DYNLL1: variants seen among roughly 807,000 people sequenced by gnomAD.
The protein encoded by DYNLL1 is dynein light chain 1, cytoplasmic.
DYNLL1 carries 3 observed loss-of-function variants against 10.1 expected under a neutral mutation model. That is an observed-to-expected ratio of 0.30 (90% confidence interval 0.14 to 0.77). DYNLL1 has a LOEUF of 0.77. Among genes scored for constraint, DYNLL1 ranks in the 30% least tolerant of loss-of-function variants. DYNLL1 has a pLI of 0.66. For missense variants in DYNLL1, 47 were observed against 111.7 expected (o/e 0.42, Z 2.61); for synonymous variants, 46 against 41.2 (o/e 1.12, Z -0.45).
At chr12:120,475,995 T>C (rs1878743867) in intron 1 of DYNLL1, among the ~76,000 whole-genome samples, 2 of 152,220 alleles carry the variant, frequency 1.3e-5, no homozygotes, top group South Asian at 4.1e-4. Context: ...TCTAAATTCC[T>C]TACCCTCAAC....
intron 1 of DYNLL1, among the ~76,000 whole-genome samples, chr12:120,475,912 C>T (rs1878742669): frequency 6.6e-6 from 1 of 152,150 alleles, no homozygotes; most frequent in African/African-American, 2.4e-5. Context: ...GTTATTCTAG[C>T]TCCAGAAAAG....
chr12:120,481,850 C>A (rs1304477137), intron 1 of DYNLL1, among the ~76,000 whole-genome samples: 1 of 152,120 alleles, frequency 6.6e-6, no homozygotes, highest in Non-Finnish European at 1.5e-5. Flanking sequence ...ATTTTGTCTT[C>A]TTTTTGTTTG....
chr12:120,491,204 G>A (rs945454775), upstream of DYNLL1: 1 of 152,384 alleles, frequency 6.6e-6, no homozygotes, highest in South Asian at 2.1e-4. Flanking sequence ...CTGTGGACAG[G>A]AGAGTGTTGG....
At chr12:120,477,505 C>T (rs1878780949) in intron 1 of DYNLL1, among the ~76,000 whole-genome samples, 2 of 152,060 alleles carry the variant, frequency 1.3e-5, no homozygotes, top group South Asian at 4.1e-4. Flanking sequence ...TGGCTCATGC[C>T]TGTAATCCCA....
intron 1 of DYNLL1, chr12:120,488,586 C>T (rs775199576): frequency 6.6e-6 from 1 of 152,168 alleles, no homozygotes; most frequent in African/African-American, 2.4e-5. Flanking sequence ...AGATGGGTGC[C>T]TTGTATCAAG....
Position 120,480,605 on chromosome 12 carries a change from G to C in DYNLL1, c.-7+10501G>C, listed in dbSNP as rs139897409. 3.8e-3 allele frequency among the ~76,000 whole-genome samples: 571 copies of C among 152,232 alleles called. 4 individuals are homozygous for C. Among genetic ancestry groups the C allele is most frequent in the African/African-American group, 0.013 (551 of 41,532 alleles). On this transcript the variant is annotated intron_variant, in intron 1 of 2. Transcript: ENST00000392509. ...TTTGCTCCCTCTACCTCTGCCTCCC[G>C]AGTCTTTGCCTGGCCAAGGCCTCCT...
chr12:120,470,794 C>A (rs1878631024), intron 1 of DYNLL1, among the ~76,000 whole-genome samples: 3 of 151,294 alleles, frequency 2.0e-5, no homozygotes, highest in African/African-American at 7.3e-5. Flanking sequence ...CCTGTAATCC[C>A]AACACTTTGA....
upstream of DYNLL1, chr12:120,495,344 C>T (rs1053206117): frequency 5.3e-5 from 8 of 152,190 alleles, no homozygotes; most frequent in Non-Finnish European, 8.8e-5. Context: ...GGGCTCAACA[C>T]TCCCAAATCC....
intron 1 of DYNLL1, among the ~76,000 whole-genome samples, chr12:120,479,476 AT>A (rs1565920965): frequency 4.0e-4 from 56 of 138,594 alleles, no homozygotes; most frequent in Non-Finnish European, 6.2e-4. Flanking sequence ...AAAAATAATA[AT>A]AATAATAATA....
chr12:120,492,817 C>T (rs1396224229), upstream of DYNLL1, among the ~76,000 whole-genome samples: 1 of 152,162 alleles, frequency 6.6e-6, no homozygotes, highest in Non-Finnish European at 1.5e-5. This position sits in a 1 kb window ranked among gnomAD's most constrained non-coding sequence, Gnocchi z 4.1. Flanking sequence ...TGCTACAGAA[C>T]CCCATATGGG....
intron 1 of DYNLL1, among the ~76,000 whole-genome samples, chr12:120,486,828 C>T (rs930322002): frequency 6.6e-6 from 1 of 152,072 alleles, no homozygotes; most frequent in Non-Finnish European, 1.5e-5. Flanking sequence ...AGGCAACAAT[C>T]AATAACCTCC....
At chr12:120,485,439 A>G (rs1042242278) in intron 1 of DYNLL1, among the ~76,000 whole-genome samples, 3 of 151,702 alleles carry the variant, frequency 2.0e-5, no homozygotes, top group Admixed American at 2.0e-4. Context: ...TATTTTTAGT[A>G]GAGACAGGGT....
intron 1 of DYNLL1, among the ~76,000 whole-genome samples, chr12:120,481,567 G>A (rs879608850): frequency 1.3e-5 from 2 of 152,204 alleles, no homozygotes; most frequent in African/African-American, 2.4e-5. Context: ...AAATGGAAGC[G>A]ATGCATAGGG....
At chr12:120,481,196 G>A (rs1270024845) in intron 1 of DYNLL1, among the ~76,000 whole-genome samples, 1 of 152,114 alleles carries the variant, frequency 6.6e-6, no homozygotes, top group Non-Finnish European at 1.5e-5. Context: ...GACACCAAAT[G>A]TGTGGTGCGG....
chr12:120,474,442 T>TAAAAAAAAAAAAAAAAACAAAA (rs11355698), intron 1 of DYNLL1, among the ~76,000 whole-genome samples: 1 of 142,776 alleles, frequency 7.0e-6, no homozygotes. Context: ...AAAAACAACA[T>TAAAAAAAAAAAAAAAAACAAAA]AAAAAAAAAA....
At chr12:120,486,462 A>AAC (rs1878996756) in intron 1 of DYNLL1, among the ~76,000 whole-genome samples, 1 of 151,760 alleles carries the variant, frequency 6.6e-6, no homozygotes, top group Admixed American at 6.6e-5. Context: ...GGGCTTTGCA[A>AAC]ACAGATGTTT....
At chr12:120,479,462 A>ATAATAATAATAATAAT (rs1555221132) in intron 1 of DYNLL1, among the ~76,000 whole-genome samples, 1 of 133,174 alleles carries the variant, frequency 7.5e-6, no homozygotes. Flanking sequence ...AAAAAAAAAA[A>ATAATAATAATAATAAT]AAAAAAAATA....
chr12:120,488,453 G>C (rs1307225239), intron 1 of DYNLL1: 1 of 152,136 alleles, frequency 6.6e-6, no homozygotes, highest in Non-Finnish European at 1.5e-5. Context: ...CTCCTCCACT[G>C]CATTTGTCAC....
rs1868542047 is a variant in DYNLL1 at position 120,498,459 on chromosome 12, C to T, written c.*249C>T. ...TGCCCACGTTGTTTTCTCTCAAAAT[C>T]CATTCCTTTAAAAAATAAATCTGAT... On this transcript the variant is annotated 3_prime_UTR_variant, in exon 3 of 3. Transcript: ENST00000242577. 1 of 390,290 alleles carries T rather than the reference C, an allele frequency of 2.6e-6. No homozygotes were observed. Among genetic ancestry groups the T allele is most frequent in the African/African-American group, 2.1e-5 (1 of 47,808 alleles). 24.2% of individuals were successfully genotyped at this position (390,290 alleles called of 1,614,324 possible). A position where few individuals can be genotyped will look rare whatever the true frequency, so the allele number is the denominator to read the frequency against.
Sources: gnomAD v4.1 joint callset for allele counts (sites outside exome capture counted in the v4.1 genomes callset) on GRCh38, gnomAD v4.1.1 for gene constraint, Gnocchi (gnomAD v3.1) non-coding constraint, MANE v1.5 for transcripts, NCBI Gene and HGNC (gene_info 2026-07-23, HGNC 2026-07-21) for gene names.